Variants in LYST observed in about 807,000 individuals in gnomAD.
The protein encoded by LYST is lysosomal-trafficking regulator.
LYST carries 192 observed loss-of-function variants against 413.6 expected under a neutral mutation model. The observed-to-expected ratio is 0.46, with a 90% confidence interval of 0.41 to 0.52. LYST has a LOEUF of 0.52. LYST is among the 20% of genes least tolerant of loss of function. LYST has a pLI of 0.00. For missense variants in LYST, 3,815 were observed against 4,499.9 expected, an observed-to-expected ratio of 0.85 and a Z score of 4.35; for synonymous variants, 1,525 against 1,567.3, an observed-to-expected ratio of 0.97 and a Z score of 0.64.
At chr1:235,708,870 C>T (rs1027373170) in intron 44 of LYST, among the ~76,000 whole-genome samples, 1 of 152,130 alleles carries the variant, frequency 6.6e-6, no homozygotes, top group African/African-American at 2.4e-5. Flanking sequence ...CCTAGTGAAT[C>T]ATCAAACCTG....
chr1:235,827,297 A>C, intron 3 of LYST: 1 of 306,970 alleles, frequency 3.3e-6, no homozygotes, highest in Non-Finnish European at 4.8e-6. Context: ...AGAACCCTGG[A>C]GGCTGAGGTT....
At chr1:235,733,420 G>T in intron 34 of LYST, 83 bp downstream of exon 34, 2 of 1,199,194 alleles carry the variant, frequency 1.7e-6, no homozygotes, top group Non-Finnish European at 2.5e-6. Context: ...TTATGAGTCT[G>T]AATTCCGGAA....
At chr1:235,732,760 T>C (rs1664491268) in intron 34 of LYST, among the ~76,000 whole-genome samples, 1 of 152,224 alleles carries the variant, frequency 6.6e-6, no homozygotes. Flanking sequence ...GTGAGGAATG[T>C]GTTCATGCCT....
intron 21 of LYST, among the ~76,000 whole-genome samples, chr1:235,763,352 C>T (rs557502034): frequency 1.7e-4 from 26 of 152,282 alleles, no homozygotes; most frequent in African/African-American, 6.3e-4. Context: ...AAATTTACTC[C>T]TTCTGTTTTG....
intron 40 of LYST, among the ~76,000 whole-genome samples, chr1:235,718,565 A>T (rs1663056466): frequency 6.6e-6 from 1 of 152,128 alleles, no homozygotes; most frequent in African/African-American, 2.4e-5. Flanking sequence ...CCCAGCTTAA[A>T]TCTGATTTCT....
At chr1:235,847,487 A>G (rs930625206) in intron 1 of LYST, among the ~76,000 whole-genome samples, 1 of 152,148 alleles carries the variant, frequency 6.6e-6, no homozygotes, top group Non-Finnish European at 1.5e-5. Flanking sequence ...CAAAAACAAA[A>G]CAACAACAAA....
At chr1:235,703,362 T>A (rs775965985) in intron 44 of LYST, among the ~76,000 whole-genome samples, 3 of 152,176 alleles carry the variant, frequency 2.0e-5, no homozygotes, top group Non-Finnish European at 2.9e-5. Flanking sequence ...ATTATTTAGG[T>A]TCTAATCAAT....
At chr1:235,832,773 C>A (rs1164754131) in intron 2 of LYST, among the ~76,000 whole-genome samples, 1 of 152,086 alleles carries the variant, frequency 6.6e-6, no homozygotes, top group Non-Finnish European at 1.5e-5. Context: ...TATCTTATTA[C>A]TTCCTTGAAG....
At chr1:235,746,978 G>A (rs1043848455) in intron 28 of LYST, among the ~76,000 whole-genome samples, 3 of 152,186 alleles carry the variant, frequency 2.0e-5, no homozygotes, top group Non-Finnish European at 4.4e-5. Context: ...TAAAAACTGT[G>A]TATAGTGACA....
chr1:235,762,581 T>C (rs1460687329), intron 22 of LYST, 139 bp downstream of exon 22: 4 of 799,532 alleles, frequency 5.0e-6, no homozygotes, highest in Admixed American at 4.2e-5. Context: ...TCAATGCTCT[T>C]GAGGACCTGT....
At chr1:235,689,304 T>C (rs1436465744) in intron 47 of LYST, among the ~76,000 whole-genome samples, 1 of 152,168 alleles carries the variant, frequency 6.6e-6, no homozygotes, top group East Asian at 1.9e-4. Context: ...ACATGAAATA[T>C]TATTCAGCCT....
At chr1:235,862,156 T>C (rs1679953543) in intron 1 of LYST, among the ~76,000 whole-genome samples, 1 of 152,194 alleles carries the variant, frequency 6.6e-6, no homozygotes, top group Non-Finnish European at 1.5e-5. Context: ...ACAGGCCAGT[T>C]GATATGATAT....
intron 31 of LYST, 105 bp downstream of exon 31, chr1:235,741,317 T>C (rs1223136334): frequency 9.8e-7 from 1 of 1,022,466 alleles, no homozygotes; most frequent in Non-Finnish European, 1.5e-6. Flanking sequence ...AAAATTATAT[T>C]TATAAATTAG....
rs775644538 is a variant in LYST at position 235,759,053 on chromosome 1, TCAA to T, written c.6797_6799del (p.Val2266del). 1.1e-5 allele frequency: 18 copies of T among 1,614,112 alleles called. No individual in the cohort carries two copies. The highest frequency in any genetic ancestry group is 1.0e-4 in the Admixed American group (6 of 60,000). On this transcript the variant is annotated inframe_deletion, in exon 23 of 53. Transcript: ENST00000389793. ...GTTTTCCCAATCATCAGTGTTTCTA[TCAA>T]CAAGACTTGGCCAACGGCCAACAGC...
At chr1:235,842,687 A>C (rs1007714854) in intron 1 of LYST, among the ~76,000 whole-genome samples, 1 of 152,104 alleles carries the variant, frequency 6.6e-6, no homozygotes, top group Non-Finnish European at 1.5e-5. Flanking sequence ...TCAAAGATAG[A>C]CTCAAGAGTA....
chr1:235,728,152 T>A, intron 37 of LYST, 21 bp from the exon 38 acceptor site: 1 of 1,574,054 alleles, frequency 6.4e-7, no homozygotes, highest in Non-Finnish European at 8.7e-7. Flanking sequence ...TAATTGGATA[T>A]AAGGGTTTTA....
chr1:235,786,376 A>G (rs6429333), intron 14 of LYST, among the ~76,000 whole-genome samples: 76,051 of 152,050 alleles, frequency 0.5, 22,465 homozygotes, highest in African/African-American at 0.82. Flanking sequence ...TTAGAATGGC[A>G]ATCATTAAAA....
chr1:235,740,293 A>T (rs1430576425), intron 31 of LYST, among the ~76,000 whole-genome samples: 1 of 152,160 alleles, frequency 6.6e-6, no homozygotes, highest in Non-Finnish European at 1.5e-5. Context: ...ATAATAAAGC[A>T]TAGATATATT....
intron 1 of LYST, among the ~76,000 whole-genome samples, chr1:235,845,914 A>G (rs1677798585): frequency 6.7e-6 from 1 of 149,816 alleles, no homozygotes; most frequent in South Asian, 2.1e-4. Context: ...CCCTGGTAGC[A>G]AAAGACAAAG....
Sources: allele counts gnomAD v4.1 joint callset (sites outside exome capture counted in the v4.1 genomes callset), GRCh38; gene constraint gnomAD v4.1.1; transcripts MANE v1.5; gene names NCBI Gene and HGNC (gene_info 2026-07-23, HGNC 2026-07-21).